The following GRIK4 variants were observed in gnomAD, a reference collection of about 807,000 sequenced individuals.
GRIK4 encodes glutamate ionotropic receptor kainate type subunit 4.
A neutral mutation model predicts 104.9 loss-of-function variants in GRIK4; 40 were observed. The ratio of observed to expected loss-of-function variants is 0.38; its 90% CI spans 0.30 to 0.50. GRIK4 has a LOEUF of 0.50. Ranked by LOEUF, GRIK4 falls within the 20% of genes least tolerant of loss-of-function variation. The pLI is 0.93. For missense variants in GRIK4, 1,047 were observed against 1,308.1 expected, an observed-to-expected ratio of 0.80 and a Z score of 3.08; for synonymous variants, 485 against 524.9, an observed-to-expected ratio of 0.92 and a Z score of 1.04.
At chr11:120,839,173 A>G (rs887842622) in intron 8 of GRIK4, among the ~76,000 whole-genome samples, 52 of 152,242 alleles carry the variant, frequency 3.4e-4, no homozygotes, top group African/African-American at 1.1e-3. Flanking sequence ...CTTCTCCCCA[A>G]TACAGATGCC....
intron 1 of GRIK4, among the ~76,000 whole-genome samples, chr11:120,518,078 G>C (rs192857788): frequency 3.5e-4 from 53 of 152,334 alleles, no homozygotes; most frequent in Non-Finnish European, 5.4e-4. Context: ...TGCTGAGAAG[G>C]GAGGTTGTGT....
chr11:120,762,321 T>C (rs1454553178), intron 3 of GRIK4, among the ~76,000 whole-genome samples: 1 of 152,262 alleles, frequency 6.6e-6, no homozygotes, highest in Non-Finnish European at 1.5e-5. Context: ...AAGTTGCTTA[T>C]CAGCTTAAGG....
At chr11:120,831,612 C>T (rs1036216548) in intron 6 of GRIK4, among the ~76,000 whole-genome samples, 5 of 152,044 alleles carry the variant, frequency 3.3e-5, no homozygotes, top group South Asian at 2.1e-4. Flanking sequence ...AGAACGTTCT[C>T]GAGGGAGTCA....
At chr11:120,768,832 T>A (rs1414363127) in intron 3 of GRIK4, among the ~76,000 whole-genome samples, 1 of 152,230 alleles carries the variant, frequency 6.6e-6, no homozygotes, top group Non-Finnish European at 1.5e-5. Flanking sequence ...ATTAATGTGA[T>A]GTGTCATGCT....
At position 120,787,847 on chromosome 11, in the gene GRIK4, C is replaced by CTTCTT. The variant is rs1565352273; in HGVS notation, c.83-14844_83-14843insCTTTT. ...TTATATTTCTTCTCTTTTTTCTTTTCTTTTCTTTTTTTTTTTTTTTTTTTT... is the reference window on the plus strand; with the variant it reads ...TTATATTTCTTCTCTTTTTTCTTTTCTTCTTTTTTCTTTTTTTTTTTTTTTTTTTT... On this transcript the variant is annotated intron_variant, in intron 3 of 20. Transcript: ENST00000527524. 4.0e-4 allele frequency among the ~76,000 whole-genome samples: 22 copies of CTTCTT among 55,602 alleles called. 1 individual carries two copies. The highest frequency in any genetic ancestry group is 1.5e-3 in the African/African-American group (22 of 14,560). 36.5% of individuals were successfully genotyped at this position (55,602 alleles called of 152,430 possible).
chr11:120,635,615 C>T (rs529605600), intron 1 of GRIK4, among the ~76,000 whole-genome samples: 2 of 152,290 alleles, frequency 1.3e-5, no homozygotes, highest in African/African-American at 2.4e-5. Flanking sequence ...ATTAATTAAT[C>T]GGATGCTTTC....
intron 1 of GRIK4, among the ~76,000 whole-genome samples, chr11:120,601,832 C>G (rs1402247352): frequency 6.6e-6 from 1 of 151,954 alleles, no homozygotes; most frequent in East Asian, 1.9e-4. Flanking sequence ...CTCTGTGTTC[C>G]TGGTCCAGGC....
At chr11:120,798,693 G>T (rs1229592827) in intron 3 of GRIK4, among the ~76,000 whole-genome samples, 1 of 152,108 alleles carries the variant, frequency 6.6e-6, no homozygotes, top group East Asian at 1.9e-4. Flanking sequence ...TGTTGGCCAG[G>T]CTGGTGTTGA....
chr11:120,942,912 A>G, intron 14 of GRIK4, among the ~76,000 whole-genome samples: 1 of 152,106 alleles, frequency 6.6e-6, no homozygotes, highest in Non-Finnish European at 1.5e-5. Context: ...GCCTCATCCA[A>G]TCAGTTGAAG....
chr11:120,605,444 C>G (rs142957462), intron 1 of GRIK4, among the ~76,000 whole-genome samples: 1 of 152,356 alleles, frequency 6.6e-6, no homozygotes, highest in African/African-American at 2.4e-5. Flanking sequence ...ACAAATACTA[C>G]TTACAGCATG....
intron 19 of GRIK4, among the ~76,000 whole-genome samples, chr11:120,970,076 A>G (rs1317906431): frequency 6.6e-6 from 1 of 152,072 alleles, no homozygotes; most frequent in Non-Finnish European, 1.5e-5. Flanking sequence ...TGTTTGTGGG[A>G]TGTGTGATGA....
intron 1 of GRIK4, among the ~76,000 whole-genome samples, chr11:120,619,483 G>A (rs558452700): frequency 1.3e-5 from 2 of 152,150 alleles, no homozygotes; most frequent in Non-Finnish European, 1.5e-5. Context: ...ATGTAAGAAG[G>A]ACATGAGATT....
At chr11:120,715,493 A>G (rs1473219401) in intron 3 of GRIK4, among the ~76,000 whole-genome samples, 1 of 152,212 alleles carries the variant, frequency 6.6e-6, no homozygotes, top group Non-Finnish European at 1.5e-5. Flanking sequence ...CCCCTGGCCT[A>G]AAGTGTGTTC....
intron 14 of GRIK4, among the ~76,000 whole-genome samples, chr11:120,948,433 C>T (rs933105057): frequency 2.6e-5 from 4 of 152,156 alleles, no homozygotes; most frequent in African/African-American, 4.8e-5. Context: ...GAACCTGCAA[C>T]GTGTCTGGTC....
chr11:120,764,435 C>T (rs545065643), intron 3 of GRIK4, among the ~76,000 whole-genome samples: 2 of 152,242 alleles, frequency 1.3e-5, no homozygotes, highest in Admixed American at 1.3e-4. Flanking sequence ...GGCATTTAGC[C>T]CATTTACATT....
chr11:120,893,284 G>A (rs1053566267), intron 11 of GRIK4, among the ~76,000 whole-genome samples: 1 of 152,182 alleles, frequency 6.6e-6, no homozygotes, highest in African/African-American at 2.4e-5. Flanking sequence ...GGGATGTTGG[G>A]TAAATGATAC....
In GRIK4 at chr11:120,631,149, C is replaced by G. The variant is rs149307820; in HGVS notation, c.-158-22536C>G. On this transcript the variant is annotated intron_variant, in intron 1 of 20. Transcript: ENST00000527524. ...CTCAGCACGGTGTCCGGCTGCTACG[C>G]AGCACTCAGTACAGGTCTGCTGTTT... Among the ~76,000 whole-genome samples, 495 of 152,352 alleles carry G rather than the reference C, an allele frequency of 3.2e-3. 2 individuals carry two copies. The highest frequency in any genetic ancestry group is 0.011 in the African/African-American group (460 of 41,578).
At position 120,725,806 on chromosome 11, in the gene GRIK4, GC is replaced by G. The variant is rs1951019078; in HGVS notation, c.82+65407del. Among the ~76,000 whole-genome samples, 3 of 152,024 alleles carry G rather than the reference GC, an allele frequency of 2.0e-5. 1 individual carries two copies. In the South Asian group the frequency reaches 6.2e-4, roughly 32 times the overall value. On this transcript the variant is annotated intron_variant, in intron 3 of 20. Transcript: ENST00000527524. Reference sequence around the variant, plus strand: ...TCTGTTCCCTTGGCCATATCCAGAGGCATTTGGAAATACATTTGGCAGGCAA... The same window carrying G: ...TCTGTTCCCTTGGCCATATCCAGAGGATTTGGAAATACATTTGGCAGGCAA...
chr11:120,988,482 A>G lies in GRIK4; in HGVS notation c.*2222A>G, dbSNP rs1376907840. 1 of 152,158 alleles carries G rather than the reference A, an allele frequency of 6.6e-6. No homozygotes were observed. Among genetic ancestry groups the G allele is most frequent in the East Asian group, 1.9e-4 (1 of 5,180 alleles). The allele number at this position is 152,158 out of a possible 1,614,324, so 9.4% of individuals were successfully genotyped here. On this transcript the variant is annotated 3_prime_UTR_variant, in exon 21 of 21. Transcript: ENST00000527524. Reference sequence around the variant, plus strand: ...CTTGATCAATAGCAAACTTTTTTTAATGGATTAGTGAAATAAATGTCCCCA... The same window carrying G: ...CTTGATCAATAGCAAACTTTTTTTAGTGGATTAGTGAAATAAATGTCCCCA...
Sources: allele counts gnomAD v4.1 joint callset (sites outside exome capture counted in the v4.1 genomes callset), GRCh38; gene constraint gnomAD v4.1.1; transcripts MANE v1.5; gene names NCBI Gene and HGNC (gene_info 2026-07-23, HGNC 2026-07-21).